SOX6: variants seen among roughly 807,000 people sequenced by gnomAD.
The protein encoded by SOX6 is SRY-box transcription factor 6, also known as transcription factor SOX-6.
Under a neutral mutation model 97.8 loss-of-function variants are expected in SOX6, and 11 were observed. The observed-to-expected ratio is 0.11, with a 90% CI of 0.07 to 0.19. The LOEUF (loss-of-function observed/expected upper bound fraction) is 0.19, where lower values mean the gene tolerates loss of function less well. Among genes scored for constraint, SOX6 ranks in the 10% least tolerant of loss-of-function variants. The pLI is 1.00. For missense variants in SOX6, 810 were observed against 1,039.5 expected (o/e 0.78, Z 3.04); for synonymous variants, 360 against 371.4 (o/e 0.97, Z 0.35).
At chr11:16,732,849 T>A (rs1221880915) in intron 2 of SOX6, among the ~76,000 whole-genome samples, 1 of 152,014 alleles carries the variant, frequency 6.6e-6, no homozygotes, top group Non-Finnish European at 1.5e-5. Context: ...TCTGACAAAG[T>A]GCTAATATCC....
intron 1 of SOX6, among the ~76,000 whole-genome samples, chr11:16,421,381 C>T (rs551881659): frequency 6.6e-6 from 1 of 152,102 alleles, no homozygotes; most frequent in Admixed American, 6.5e-5. Flanking sequence ...TTAATGTTAA[C>T]ATCTAGTAAG....
intron 13 of SOX6, among the ~76,000 whole-genome samples, chr11:16,002,152 AAC>A (rs1379167690): frequency 1.3e-5 from 2 of 152,316 alleles, no homozygotes; most frequent in African/African-American, 2.4e-5. Flanking sequence ...AGCTTAAACA[AAC>A]ACACGACCGG....
At chr11:16,573,294 C>A (rs1589991084) in intron 4 of SOX6, among the ~76,000 whole-genome samples, 1 of 152,188 alleles carries the variant, frequency 6.6e-6, no homozygotes, top group South Asian at 2.1e-4. Flanking sequence ...GTGCCAATCT[C>A]TATTTTCACA....
At chr11:16,021,870 T>C (rs1421722156) in intron 12 of SOX6, among the ~76,000 whole-genome samples, 2 of 152,106 alleles carry the variant, frequency 1.3e-5, no homozygotes, top group East Asian at 3.9e-4. Context: ...CCCTTTCCAA[T>C]GAGTACTTCC....
chr11:16,349,484 T>C (rs1376782491), intron 1 of SOX6, among the ~76,000 whole-genome samples: 2 of 151,678 alleles, frequency 1.3e-5, no homozygotes, highest in Non-Finnish European at 2.9e-5. Context: ...CCCATGGCGG[T>C]GCGCGCCTGT....
At chr11:16,466,224 T>C (rs1860028715) in intron 1 of SOX6, among the ~76,000 whole-genome samples, 1 of 152,222 alleles carries the variant, frequency 6.6e-6, no homozygotes, top group African/African-American at 2.4e-5. Context: ...GCTTTGGAGC[T>C]AGCAAAAATT....
In SOX6 at chr11:16,610,449, C is replaced by G. The variant is rs557558567; in HGVS notation, n.609+1632G>C. 3.9e-5 allele frequency among the ~76,000 whole-genome samples: 6 copies of G among 152,132 alleles called. No individual in the cohort carries two copies. Among genetic ancestry groups the G allele is most frequent in the African/African-American group, 4.8e-5 (2 of 41,414 alleles). On this transcript the variant is annotated intron_variant and non_coding_transcript_variant, in intron 4 of 5. Transcript: ENST00000524520. This position sits in a 1 kb window ranked among gnomAD's most constrained non-coding sequence, Gnocchi z 4.4. ...TGGTGGGCAAGACTGACCCTGCCGA[C>G]CAGATGCAGGCCGCTAGCGGGAGGC...
At chr11:16,345,418 T>G (rs1028678727) in intron 1 of SOX6, among the ~76,000 whole-genome samples, 3 of 152,106 alleles carry the variant, frequency 2.0e-5, no homozygotes, top group East Asian at 3.9e-4. Context: ...GCCAGGCCAT[T>G]GGGAAGAACT....
At chr11:16,692,483 G>A (rs1387743336) in intron 3 of SOX6, among the ~76,000 whole-genome samples, 1 of 152,010 alleles carries the variant, frequency 6.6e-6, no homozygotes, top group African/African-American at 2.4e-5. Flanking sequence ...TTCTGCCTTT[G>A]CTCTCATTTG....
At chr11:16,675,161 A>G (rs1847875581) in intron 3 of SOX6, among the ~76,000 whole-genome samples, 1 of 152,234 alleles carries the variant, frequency 6.6e-6, no homozygotes, top group Non-Finnish European at 1.5e-5. Flanking sequence ...AAAGAAACAA[A>G]AAATATAATC....
intron 9 of SOX6, among the ~76,000 whole-genome samples, chr11:16,086,580 C>G (rs574412594): frequency 6.6e-6 from 1 of 152,264 alleles, no homozygotes; most frequent in South Asian, 2.1e-4. Context: ...TGAACATGCT[C>G]AGAGTGCATC....
At chr11:16,373,863 GGAAGGAAGGAAGGAAGGAAGGA>G (rs1857567738) in intron 1 of SOX6, among the ~76,000 whole-genome samples, 4 of 42,414 alleles carry the variant, frequency 9.4e-5, no homozygotes, top group Non-Finnish European at 2.1e-4. Flanking sequence ...AAGGAAGGAA[GGAAGGAAGGAAGGAAGGAAGGA>G]AGGGAGGGAG....
intron 4 of SOX6, among the ~76,000 whole-genome samples, chr11:16,204,770 T>C (rs1470697574): frequency 6.6e-6 from 1 of 152,050 alleles, no homozygotes; most frequent in Non-Finnish European, 1.5e-5. Flanking sequence ...AGGAAATCAA[T>C]GTTGTAAAGA....
At chr11:16,232,033 T>A (rs1020269369) in intron 4 of SOX6, among the ~76,000 whole-genome samples, 7 of 151,834 alleles carry the variant, frequency 4.6e-5, no homozygotes, top group African/African-American at 1.4e-4. Flanking sequence ...GATAAATACA[T>A]ATGAATTTTA....
intron 4 of SOX6, among the ~76,000 whole-genome samples, chr11:16,603,322 A>G (rs1848293710): frequency 6.6e-6 from 1 of 152,168 alleles, no homozygotes. Context: ...GGGATCTGGG[A>G]AGCCAGGTAG....
At chr11:16,595,749 C>T (rs950595904) in intron 4 of SOX6, among the ~76,000 whole-genome samples, 8 of 151,952 alleles carry the variant, frequency 5.3e-5, no homozygotes, top group African/African-American at 1.9e-4. Context: ...CCAGCATGGA[C>T]AACAGAGCAA....
intron 3 of SOX6, among the ~76,000 whole-genome samples, chr11:16,682,066 T>G (rs901076951): frequency 8.5e-5 from 13 of 152,242 alleles, no homozygotes; most frequent in African/African-American, 2.9e-4. Flanking sequence ...CTTTTGAAAC[T>G]ATTCCAATCA....
At chr11:16,497,711 G>A (rs541416789) in intron 4 of SOX6, among the ~76,000 whole-genome samples, 3 of 150,798 alleles carry the variant, frequency 2.0e-5, no homozygotes, top group Non-Finnish European at 4.4e-5. Context: ...GGAAGAAAGG[G>A]AATCAGTGAT....
At chr11:16,290,786 AT>A (rs1854888918) in intron 3 of SOX6, among the ~76,000 whole-genome samples, 1 of 152,036 alleles carries the variant, frequency 6.6e-6, no homozygotes, top group Admixed American at 6.6e-5. Context: ...GTCATCTCTC[AT>A]TTTCAGGCAA....
Sources: gnomAD v4.1 joint callset for allele counts (sites outside exome capture counted in the v4.1 genomes callset) on GRCh38, gnomAD v4.1.1 for gene constraint, Gnocchi (gnomAD v3.1) non-coding constraint, MANE v1.5 for transcripts, NCBI Gene and HGNC (gene_info 2026-07-23, HGNC 2026-07-21) for gene names.